SPAG16: variants seen among roughly 807,000 people sequenced by gnomAD.
SPAG16 encodes sperm associated antigen 16, also known as sperm-associated antigen 16 protein.
SPAG16 carries 86 observed loss-of-function variants against 80.4 expected under a neutral mutation model. The observed-to-expected ratio is 1.07, with a 90% CI of 0.90 to 1.28. The LOEUF (loss-of-function observed/expected upper bound fraction) is 1.28, where lower values mean the gene tolerates loss of function less well. Ranked by LOEUF, SPAG16 falls within the 50% of genes most tolerant of loss-of-function variation. The probability of loss-of-function intolerance (pLI) is 0.00; values close to 1 mark genes in which losing one functional copy is unlikely to be tolerated. For missense variants in SPAG16, 870 were observed against 765.3 expected, an observed-to-expected ratio of 1.14 and a Z score of -1.61; for synonymous variants, 294 against 265.9, an observed-to-expected ratio of 1.11 and a Z score of -1.03.
intron 10 of SPAG16, among the ~76,000 whole-genome samples, chr2:213,852,886 A>C (rs1245927513): frequency 3.9e-5 from 6 of 152,220 alleles, no homozygotes; most frequent in African/African-American, 1.2e-4. Flanking sequence ...AAAAAATTCC[A>C]TGTGAAAGTA....
chr2:214,340,553 A>G (rs995010263), intron 15 of SPAG16, among the ~76,000 whole-genome samples: 18 of 152,202 alleles, frequency 1.2e-4, no homozygotes, highest in African/African-American at 4.3e-4. Flanking sequence ...CCTGCCCCAG[A>G]GCATGATGGG....
At chr2:213,532,894 A>G (rs1215612184) in intron 10 of SPAG16, among the ~76,000 whole-genome samples, 1 of 152,202 alleles carries the variant, frequency 6.6e-6, no homozygotes, top group Non-Finnish European at 1.5e-5. Context: ...TTAGTTGGTT[A>G]GCTATTTAAA....
chr2:213,624,280 C>A (rs571344040), intron 10 of SPAG16, among the ~76,000 whole-genome samples: 1 of 151,982 alleles, frequency 6.6e-6, no homozygotes, highest in African/African-American at 2.4e-5. Flanking sequence ...AGCAAAGTAA[C>A]AATACAGCCC....
chr2:213,290,760 C>T (rs760026301), intron 1 of SPAG16, among the ~76,000 whole-genome samples: 1 of 152,102 alleles, frequency 6.6e-6, no homozygotes, highest in Non-Finnish European at 1.5e-5. Context: ...AAAGTTGCTC[C>T]GTGAAAGTAG....
At chr2:213,952,565 T>A (rs1026852603) in intron 12 of SPAG16, among the ~76,000 whole-genome samples, 13 of 151,302 alleles carry the variant, frequency 8.6e-5, no homozygotes, top group Non-Finnish European at 1.2e-4. Flanking sequence ...TAGAAAAGAG[T>A]CTTCACTGGG....
chr2:213,291,965 T>A (rs1373782353), intron 1 of SPAG16, among the ~76,000 whole-genome samples: 4 of 152,244 alleles, frequency 2.6e-5, no homozygotes, highest in African/African-American at 9.6e-5. Context: ...CTCTTAATCT[T>A]TTTTGATTGT....
At chr2:213,327,660 A>G (rs552007850) in intron 5 of SPAG16, among the ~76,000 whole-genome samples, 1 of 152,238 alleles carries the variant, frequency 6.6e-6, no homozygotes, top group African/African-American at 2.4e-5. Flanking sequence ...AATTAAGACA[A>G]TTTAGTATAC....
intron 10 of SPAG16, among the ~76,000 whole-genome samples, chr2:213,668,217 G>T (rs1217171321): frequency 1.3e-5 from 2 of 151,992 alleles, no homozygotes; most frequent in African/African-American, 2.4e-5. Flanking sequence ...GGGATTACAG[G>T]CATGAGCTAT....
chr2:214,248,003 G>T (rs1187577288), intron 15 of SPAG16, among the ~76,000 whole-genome samples: 1 of 151,320 alleles, frequency 6.6e-6, no homozygotes, highest in East Asian at 1.9e-4. Context: ...ACTCCAGCAG[G>T]GACAACAGCA....
intron 10 of SPAG16, among the ~76,000 whole-genome samples, chr2:213,564,688 A>G (rs1027788894): frequency 8.5e-5 from 13 of 152,116 alleles, no homozygotes; most frequent in African/African-American, 3.1e-4. Flanking sequence ...CCGCCTCCTA[A>G]CATTTATTGA....
At chr2:213,714,814 T>G (rs1452338724) in intron 10 of SPAG16, among the ~76,000 whole-genome samples, 2 of 152,178 alleles carry the variant, frequency 1.3e-5, no homozygotes, top group Non-Finnish European at 2.9e-5. Flanking sequence ...ACAGAGTACA[T>G]GATCCTAATC....
chr2:213,931,196 C>T (rs2078736797), intron 12 of SPAG16, among the ~76,000 whole-genome samples: 1 of 152,160 alleles, frequency 6.6e-6, no homozygotes, highest in Non-Finnish European at 1.5e-5. Context: ...AGTTCCGTTT[C>T]CTGACAAGTC....
chr2:213,777,296 G>C (rs1046745164), intron 10 of SPAG16, among the ~76,000 whole-genome samples: 2 of 131,782 alleles, frequency 1.5e-5, no homozygotes, highest in East Asian at 4.4e-4. Flanking sequence ...GCTCAGGCTG[G>C]AGTGCAGTGG....
chr2:213,740,122 A>T (rs1338643516), intron 10 of SPAG16, among the ~76,000 whole-genome samples: 2 of 152,156 alleles, frequency 1.3e-5, no homozygotes, highest in African/African-American at 4.8e-5. Context: ...TACACATTAC[A>T]TATATACCTA....
chr2:213,446,287 T>C (rs2071306735), intron 9 of SPAG16, among the ~76,000 whole-genome samples: 1 of 152,184 alleles, frequency 6.6e-6, no homozygotes, highest in Non-Finnish European at 1.5e-5. Flanking sequence ...CAGAATCTGG[T>C]TGGCAAGGAA....
chr2:213,556,313 A>C (rs202222075), intron 10 of SPAG16, among the ~76,000 whole-genome samples: 5 of 69,274 alleles, frequency 7.2e-5, no homozygotes, highest in African/African-American at 1.6e-4. Flanking sequence ...AAAAAAAACC[A>C]AAAAAAAAAA....
intron 13 of SPAG16, among the ~76,000 whole-genome samples, chr2:214,060,759 CAGAG>C (rs2050220134): frequency 6.6e-6 from 1 of 151,982 alleles, no homozygotes; most frequent in African/African-American, 2.4e-5. Context: ...GGGAGTGGGA[CAGAG>C]AGTTGGAATG....
intron 15 of SPAG16, among the ~76,000 whole-genome samples, chr2:214,195,077 C>T (rs775098305): frequency 2.0e-5 from 3 of 151,936 alleles, no homozygotes; most frequent in Non-Finnish European, 4.4e-5. Flanking sequence ...CCAGCAGAAG[C>T]TACAGGGATG....
rs144928334 is a variant in SPAG16, at chr2:213,727,774, A to G, written c.1071-134711A>G. Among the ~76,000 whole-genome samples, 730 of 152,366 alleles carry G rather than the reference A, an allele frequency of 4.8e-3. 6 individuals are homozygous for G. The Middle Eastern group carries it at 0.051, about 11-fold the overall frequency. On this transcript the variant is annotated intron_variant, in intron 10 of 15. Coordinates refer to ENST00000331683, the MANE Select transcript of SPAG16 (RefSeq NM_024532.5). ...GACATGAATTGACTTACATTTTACTATGATCTAACTGGCTAACATGTAAAG... is the reference window on the plus strand; with the variant it reads ...GACATGAATTGACTTACATTTTACTGTGATCTAACTGGCTAACATGTAAAG...
Sources: gnomAD v4.1 joint callset for allele counts (sites outside exome capture counted in the v4.1 genomes callset) on GRCh38, gnomAD v4.1.1 for gene constraint, MANE v1.5 for transcripts, NCBI Gene and HGNC (gene_info 2026-07-23, HGNC 2026-07-21) for gene names.